ARHGEF4: variants seen among roughly 807,000 people sequenced by gnomAD.
ARHGEF4 encodes the protein APC-stimulated guanine nucleotide exchange factor 1.
In ARHGEF4, 119 loss-of-function variants were observed where a neutral mutation model predicts 162.0. The ratio of observed to expected loss-of-function variants is 0.73; its 90% CI spans 0.63 to 0.86. The LOEUF (loss-of-function observed/expected upper bound fraction) is 0.86, where lower values mean the gene tolerates loss of function less well. Among genes scored for constraint, ARHGEF4 ranks in the 40% least tolerant of loss-of-function variants. The probability of loss-of-function intolerance (pLI) is 0.00; values close to 1 mark genes in which losing one functional copy is unlikely to be tolerated. For synonymous variants in ARHGEF4, 1,014 were observed against 979.9 expected (o/e 1.03, Z -0.65); for missense variants, 2,488 against 2,456.0 (o/e 1.01, Z -0.28).
intron 1 of ARHGEF4, among the ~76,000 whole-genome samples, chr2:130,866,030 T>A (rs1682248738): frequency 6.6e-6 from 1 of 152,164 alleles, no homozygotes; most frequent in Admixed American, 6.5e-5. Flanking sequence ...CATGTGCTGC[T>A]AAGTTAGGTC....
At chr2:130,873,759 G>A (rs1678644437) in intron 1 of ARHGEF4, among the ~76,000 whole-genome samples, 1 of 152,054 alleles carries the variant, frequency 6.6e-6, no homozygotes, top group Non-Finnish European at 1.5e-5. Context: ...GGTGGGTGAT[G>A]AACACTTTGG....
chr2:130,890,165 CTG>C (rs1375101326), intron 1 of ARHGEF4, among the ~76,000 whole-genome samples: 3 of 152,224 alleles, frequency 2.0e-5, no homozygotes, highest in Admixed American at 1.3e-4. Context: ...TCTTCAGATA[CTG>C]TGTCTTTGTC....
At chr2:131,012,718 T>G (rs1688535957) in intron 4 of ARHGEF4, among the ~76,000 whole-genome samples, 1 of 152,146 alleles carries the variant, frequency 6.6e-6, no homozygotes, top group Non-Finnish European at 1.5e-5. Context: ...GCAGCCGGGA[T>G]TACAGGCACA....
intron 2 of ARHGEF4, among the ~76,000 whole-genome samples, chr2:130,921,931 A>T (rs980656361): frequency 2.6e-5 from 4 of 152,022 alleles, no homozygotes; most frequent in Non-Finnish European, 4.4e-5. Flanking sequence ...AGGTCAAGTA[A>T]TCCACCTGCC....
intron 1 of ARHGEF4, among the ~76,000 whole-genome samples, chr2:130,896,043 A>G (rs1306162518): frequency 6.6e-6 from 1 of 151,916 alleles, no homozygotes; most frequent in Non-Finnish European, 1.5e-5. Context: ...GGGTTTATTT[A>G]TTTATTTATT....
intron 4 of ARHGEF4, among the ~76,000 whole-genome samples, chr2:131,000,335 T>G (rs1687684176): frequency 6.6e-6 from 1 of 152,220 alleles, no homozygotes. Context: ...TGTATTTGAT[T>G]AGCTAATATT....
intron 1 of ARHGEF4, among the ~76,000 whole-genome samples, chr2:130,911,386 T>C (rs1031736357): frequency 2.6e-5 from 4 of 152,190 alleles, no homozygotes; most frequent in Non-Finnish European, 5.9e-5. Context: ...GTAAAAACCC[T>C]GAGCCTCCGC....
chr2:131,024,404 TA>T (rs1689340948), intron 4 of ARHGEF4, among the ~76,000 whole-genome samples: 1 of 37,192 alleles, frequency 2.7e-5, no homozygotes, highest in Non-Finnish European at 3.0e-4. Flanking sequence ...GCCTCCTGAG[TA>T]GCTAGGACTA....
chr2:131,015,736 C>T (rs367833966), intron 4 of ARHGEF4, among the ~76,000 whole-genome samples: 39 of 152,310 alleles, frequency 2.6e-4, no homozygotes, highest in African/African-American at 9.1e-4. Context: ...AAAATAGAAA[C>T]AAACTCAGTC....
intron 2 of ARHGEF4, among the ~76,000 whole-genome samples, 199 bp downstream of exon 2, chr2:130,917,697 C>A (rs1219460057): frequency 6.6e-6 from 1 of 152,128 alleles, no homozygotes; most frequent in Non-Finnish European, 1.5e-5. Flanking sequence ...AGCTAACAAG[C>A]CAGAATTGGC....
At chr2:130,870,325 G>A (rs1407314468) in intron 1 of ARHGEF4, among the ~76,000 whole-genome samples, 1 of 152,288 alleles carries the variant, frequency 6.6e-6, no homozygotes, top group East Asian at 1.9e-4. Context: ...AGTGGGATGT[G>A]TTTCAGATGG....
At chr2:130,896,394 G>A (rs1041612137) in intron 1 of ARHGEF4, among the ~76,000 whole-genome samples, 1 of 152,252 alleles carries the variant, frequency 6.6e-6, no homozygotes, top group Non-Finnish European at 1.5e-5. Flanking sequence ...CATTCTGGCA[G>A]CAATGGCTCA....
chr2:130,913,804 T>C (rs1243745189), intron 1 of ARHGEF4, among the ~76,000 whole-genome samples, 182 bp from the exon 2 acceptor site: 1 of 152,246 alleles, frequency 6.6e-6, no homozygotes, highest in African/African-American at 2.4e-5. Context: ...TTTGGCTTCA[T>C]CACTTGTTTT....
chr2:130,997,085 C>G (rs1314843474), intron 4 of ARHGEF4, among the ~76,000 whole-genome samples: 1 of 152,150 alleles, frequency 6.6e-6, no homozygotes, highest in Non-Finnish European at 1.5e-5. Flanking sequence ...CTGCCTTGTG[C>G]TATTACTAAA....
intron 6 of ARHGEF4, chr2:131,039,636 C>T: frequency 8.7e-7 from 1 of 1,143,132 alleles, no homozygotes; most frequent in Non-Finnish European, 1.1e-6. Flanking sequence ...CACCCTAAGC[C>T]TTTCCCCAAG....
At position 130,914,083 on chromosome 2, in the gene ARHGEF4, AG is replaced by A. The variant is rs1468636318; in HGVS notation, c.138del (p.Gln46HisfsTer47). On this transcript the variant is annotated frameshift_variant, in exon 2 of 14. Coordinates refer to ENST00000409359, the MANE Select transcript of ARHGEF4 (RefSeq NM_001367493.1). LOFTEE classifies it high-confidence loss of function. ...GAACAAGTGGAGCAGGGATGGAACC[AG>A]CAAACAGACCGCGATGATTCTGAAA... ...PAEQVEQGWN[Q>X]QTDRDDSETL... is the part of the protein sequence containing the mutation. The A allele has an allele frequency of 1.3e-6, 2 of 1,536,162 alleles. No homozygotes were observed. The highest frequency in any genetic ancestry group is 8.7e-7 in the Non-Finnish European group (1 of 1,146,918).
chr2:130,865,324 A>G (rs1428265952), intron 1 of ARHGEF4, among the ~76,000 whole-genome samples: 3 of 152,224 alleles, frequency 2.0e-5, no homozygotes, highest in African/African-American at 7.2e-5. Flanking sequence ...TTCTGGGGTA[A>G]CCCAGGAGAT....
chr2:130,971,776 A>G (rs1367165615), intron 4 of ARHGEF4, among the ~76,000 whole-genome samples: 3 of 152,042 alleles, frequency 2.0e-5, no homozygotes, highest in Admixed American at 1.3e-4. Context: ...TCTTAACAGT[A>G]TGGAGTCAGT....
chr2:130,964,048 C>G (rs1684821025), intron 4 of ARHGEF4: 1 of 519,848 alleles, frequency 1.9e-6, no homozygotes. Flanking sequence ...CGCCTGCGTG[C>G]GGGCGCAGCA....
Sources: gnomAD v4.1 joint callset for allele counts (sites outside exome capture counted in the v4.1 genomes callset) on GRCh38, gnomAD v4.1.1 for gene constraint, MANE v1.5 for transcripts, NCBI Gene and HGNC (gene_info 2026-07-23, HGNC 2026-07-21) for gene names.